Variants in SSB observed in about 807,000 individuals in gnomAD.
SSB encodes the protein small RNA binding exonuclease protection factor La, also known as lupus La protein.
In SSB, 17 loss-of-function variants were observed where a neutral mutation model predicts 52.9. The observed-to-expected ratio is 0.32, with a 90% confidence interval of 0.22 to 0.48. SSB has a LOEUF of 0.48. Ranked by LOEUF, SSB falls within the 20% of genes least tolerant of loss-of-function variation. The pLI is 0.99. For synonymous variants in SSB, 111 were observed against 152.1 expected, an observed-to-expected ratio of 0.73 and a Z score of 1.99; for missense variants, 314 against 463.6, an observed-to-expected ratio of 0.68 and a Z score of 2.96.
intron 8 of SSB, among the ~76,000 whole-genome samples, chr2:169,809,613 A>T (rs189542665): frequency 0.017 from 2,482 of 148,064 alleles, 37 homozygotes; most frequent in Non-Finnish European, 0.026. Context: ...TGACTATAAA[A>T]TTTTTTTTTT....
At chr2:169,808,579 A>T in intron 7 of SSB, 26 bp downstream of exon 7, 2 of 1,571,702 alleles carry the variant, frequency 1.3e-6, no homozygotes, top group Non-Finnish European at 1.7e-6. Context: ...TAATCACGAC[A>T]TAATTTGAAT....
intron 1 of SSB, chr2:169,799,610 A>T (rs1173554840): frequency 1.3e-5 from 2 of 152,172 alleles, no homozygotes; most frequent in African/African-American, 4.8e-5. Context: ...GCAGGGTCTA[A>T]ATAGTTATTT....
intron 2 of SSB, among the ~76,000 whole-genome samples, chr2:169,804,878 C>T (rs1476569749): frequency 6.6e-6 from 1 of 152,124 alleles, no homozygotes; most frequent in Non-Finnish European, 1.5e-5. Context: ...TGGCTCATGC[C>T]TGCAATCCCA....
intron 4 of SSB, 98 bp downstream of exon 4, chr2:169,805,937 G>A (rs1160907281): frequency 1.5e-5 from 17 of 1,139,374 alleles, no homozygotes; most frequent in Admixed American, 2.1e-5. Context: ...ACTAATTACT[G>A]TATGTCCTTT....
At chr2:169,809,020 C>T (rs768760800) in intron 8 of SSB, 118 bp downstream of exon 8, 2 of 799,034 alleles carry the variant, frequency 2.5e-6, no homozygotes, top group East Asian at 5.1e-5. Flanking sequence ...GTTGTTATTG[C>T]ATTAAGTAAT....
intron 9 of SSB, 55 bp from the exon 10 acceptor site, chr2:169,810,798 GAAATT>G: frequency 6.6e-7 from 1 of 1,514,484 alleles, no homozygotes; most frequent in Non-Finnish European, 8.9e-7. Flanking sequence ...TTTGGACAAA[GAAATT>G]AATTGTGGGA....
Position 169,811,308 on chromosome 2 carries a change from G to A in SSB, c.1123G>A (p.Glu375Lys), listed in dbSNP as rs139847090. The A allele has an allele frequency of 6.3e-7, 1 of 1,590,178 alleles. No individual in the cohort carries two copies. The highest frequency in any genetic ancestry group is 1.4e-5 in the African/African-American group (1 of 73,336). The change falls in exon 11 of 12, where the codon GAA becomes AAA. Residue 375 changes from glutamate (E) to lysine (K), a missense_variant. Transcript: ENST00000260956. Reference sequence around the variant, plus strand: ...TGATGATGAACATGATGAACATGATGAAAATGGTGCAACTGGTAAGTTTTT... The same window carrying A: ...TGATGATGAACATGATGAACATGATAAAAATGGTGCAACTGGTAAGTTTTT... Reference protein sequence around the residue: ...ASDDEHDEHDENGATGPVKRA... With the variant: ...ASDDEHDEHDKNGATGPVKRA...
At chr2:169,807,803 T>C (rs1467143925) in intron 6 of SSB, among the ~76,000 whole-genome samples, 6 of 111,842 alleles carry the variant, frequency 5.4e-5, no homozygotes, top group Non-Finnish European at 1.1e-4. Flanking sequence ...TCTTTGTGAA[T>C]GTGTGTCTGT....
At chr2:169,806,694 C>A in intron 4 of SSB, 91 bp from the exon 5 acceptor site, 3 of 1,063,208 alleles carry the variant, frequency 2.8e-6, no homozygotes, top group Admixed American at 2.2e-5. Flanking sequence ...ATCCTGGGTT[C>A]ATTTCAAGAA....
chr2:169,805,139 T>A (rs1339571202), intron 2 of SSB, among the ~76,000 whole-genome samples: 1 of 151,850 alleles, frequency 6.6e-6, no homozygotes, highest in East Asian at 1.9e-4. Context: ...CAAAAAAAAA[T>A]AAGAATTGAG....
chr2:169,809,676 G>A (rs1226249547), intron 8 of SSB, among the ~76,000 whole-genome samples: 3 of 151,638 alleles, frequency 2.0e-5, no homozygotes, highest in South Asian at 2.1e-4. Context: ...GCAGTGGCGC[G>A]ATCTCGGCTC....
chr2:169,803,802 G>C (rs2105698553), intron 2 of SSB, among the ~76,000 whole-genome samples: 1 of 151,560 alleles, frequency 6.6e-6, no homozygotes, highest in Non-Finnish European at 1.5e-5. Context: ...CAGTGGCGGT[G>C]ATCTCAGCTC....
intron 2 of SSB, among the ~76,000 whole-genome samples, chr2:169,801,513 T>G (rs1227225634): frequency 5.3e-5 from 7 of 132,918 alleles, no homozygotes; most frequent in Non-Finnish European, 8.2e-5. Context: ...AATATAGTTT[T>G]TTTTTTTTTT....
At chr2:169,807,102 C>G (rs910453439) in intron 6 of SSB, 31 bp downstream of exon 6, 1 of 1,584,112 alleles carries the variant, frequency 6.3e-7, no homozygotes, top group Admixed American at 1.7e-5. Flanking sequence ...TTCTCCTGGC[C>G]TTTTACTTAT....
rs752046045 is a variant in SSB, at chr2:169,811,724, C to A, written c.1195C>A (p.Gln399Lys). The change falls in exon 12 of 12, where the codon CAG (glutamine) becomes AAG (lysine). Residue 399 changes from glutamine (Q) to lysine (K), a missense_variant. Transcript: ENST00000260956. The part of the protein sequence containing the change: ...TDKEEPASKQ[Q>K]KTENGAGDQ ...CAAAGAAGAACCTGCATCCAAACAA[C>A]AGAAAACAGAAAATGGTGCTGGAGA... The A allele has an allele frequency of 1.2e-6, 2 of 1,613,542 alleles. No individual in the cohort carries two copies. The highest frequency in any genetic ancestry group is 1.7e-6 in the Non-Finnish European group (2 of 1,179,700).
chr2:169,810,588 CTAAAT>C (rs1323947716), intron 9 of SSB, 165 bp downstream of exon 9: 6 of 723,618 alleles, frequency 8.3e-6, no homozygotes, highest in South Asian at 6.2e-5. Context: ...CTGAATTATA[CTAAAT>C]TAGTTTCTAC....
chr2:169,805,958 TTAACC>T (rs774510630), intron 4 of SSB, 119 bp downstream of exon 4: 51 of 1,026,778 alleles, frequency 5.0e-5, no homozygotes, highest in Non-Finnish European at 4.4e-6. Context: ...CGTAATATTC[TTAACC>T]TAAGTTTCTT....
chr2:169,806,048 GCA>G, intron 4 of SSB: 1 of 597,952 alleles, frequency 1.7e-6, no homozygotes, highest in Non-Finnish European at 3.1e-6. Context: ...ATGGCCCACT[GCA>G]GTCTTGACCT....
rs1689811002 is a variant in SSB at position 169,805,512 on chromosome 2, T to C, written c.105T>C (p.Phe35=). 8 of 1,613,852 alleles carry C rather than the reference T, an allele frequency of 5.0e-6. No individual in the cohort carries two copies. Among genetic ancestry groups the C allele is most frequent in the Non-Finnish European group, 4.2e-6 (5 of 1,179,980 alleles). Residue 35 remains phenylalanine (F), a synonymous_variant, in exon 3 of 12, where the codon TTT becomes TTC. Coordinates refer to ENST00000260956, the MANE Select transcript of SSB (RefSeq NM_003142.5). ...ACTTCAATTTGCCACGGGACAAGTT[T>C]CTAAAGGAACAGATAAAACTGGATG... ...FGDFNLPRDK[F]LKEQIKLDEG...
Sources: allele counts gnomAD v4.1 joint callset (sites outside exome capture counted in the v4.1 genomes callset), GRCh38; gene constraint gnomAD v4.1.1; transcripts MANE v1.5; gene names NCBI Gene and HGNC (gene_info 2026-07-23, HGNC 2026-07-21).